PCDHA2: variants seen among roughly 807,000 people sequenced by gnomAD.
The protein encoded by PCDHA2 is protocadherin alpha-2.
PCDHA2 carries 58 observed loss-of-function variants against 66.0 expected under a neutral mutation model. The observed-to-expected ratio is 0.88, with a 90% CI of 0.71 to 1.09. The LOEUF (loss-of-function observed/expected upper bound fraction) is 1.09. Ranked by LOEUF, PCDHA2 falls within the 50% of genes least tolerant of loss-of-function variation. The pLI is 0.00. For missense variants in PCDHA2, 1,267 were observed against 1,242.3 expected (o/e 1.02, Z -0.30); for synonymous variants, 634 against 554.0 (o/e 1.14, Z -2.03).
At chr5:140,839,439 C>T (rs1038032080) in intron 1 of PCDHA2, among the ~76,000 whole-genome samples, 10 of 151,884 alleles carry the variant, frequency 6.6e-5, no homozygotes, top group Admixed American at 5.2e-4. Flanking sequence ...GCCCAGACTG[C>T]AGTGCAGTGG....
intron 1 of PCDHA2, chr5:140,857,682 G>T (rs1554150517): frequency 2.5e-6 from 4 of 1,596,980 alleles, no homozygotes; most frequent in Middle Eastern, 1.8e-4. Context: ...CCGCCTCTGG[G>T]CAGCAACTTG....
chr5:140,823,925 A>C (rs2150130360), intron 1 of PCDHA2: 1 of 1,613,820 alleles, frequency 6.2e-7, no homozygotes, highest in East Asian at 2.2e-5. Context: ...CTGCTGCTGT[A>C]CACCGCGCTG....
chr5:140,802,741 G>C, intron 1 of PCDHA2: 1 of 1,612,594 alleles, frequency 6.2e-7, no homozygotes, highest in Non-Finnish European at 8.5e-7. Flanking sequence ...GCGGAGAGCG[G>C]CAAGGTGTAC....
chr5:140,869,903 C>G, intron 1 of PCDHA2: 1 of 1,610,648 alleles, frequency 6.2e-7, no homozygotes. Flanking sequence ...CTAAACGCCA[C>G]AGACCGAGAC....
intron 1 of PCDHA2, chr5:140,810,571 A>G (rs1355589368): frequency 1.3e-5 from 2 of 152,218 alleles, no homozygotes; most frequent in Non-Finnish European, 2.9e-5. Context: ...ATTTAAATGA[A>G]GTTGAGTACC....
chr5:140,806,829 C>A, intron 1 of PCDHA2: 1 of 241,094 alleles, frequency 4.1e-6, no homozygotes. Context: ...TATGGCGAAA[C>A]TAAGGACCAC....
In PCDHA2 at chr5:140,928,306, C is replaced by T. The variant is rs782598364; in HGVS notation, c.2389-50643C>T. 7.6e-5 allele frequency: 122 copies of T among 1,613,984 alleles called. No individual in the cohort carries two copies. The highest frequency in any genetic ancestry group is 1.8e-4 in the Admixed American group (11 of 60,002). ...TCTAGGCCGAGTGTTTGCCCAGGAC[C>T]CCGACCTGGGGAAGAATGGCCTTGT... is the stretch of plus-strand genomic sequence containing the variant. On this transcript the variant is annotated intron_variant, in intron 1 of 3. Coordinates refer to ENST00000526136, the MANE Select transcript of PCDHA2 (RefSeq NM_018905.3).
At chr5:140,856,865 A>G in intron 1 of PCDHA2, 2 of 1,595,810 alleles carry the variant, frequency 1.3e-6, no homozygotes, top group African/African-American at 1.3e-5. Context: ...TGAAGGAATA[A>G]ACAAGGAAAT....
chr5:140,963,600 G>T (rs111244023), intron 1 of PCDHA2, among the ~76,000 whole-genome samples: 1 of 152,180 alleles, frequency 6.6e-6, no homozygotes, highest in Non-Finnish European at 1.5e-5. Context: ...AGTTCTAGAC[G>T]TAATTGGGAA....
intron 1 of PCDHA2, chr5:140,842,263 C>CTTA (rs1777840904): frequency 6.2e-7 from 1 of 1,610,966 alleles, no homozygotes; most frequent in Non-Finnish European, 8.5e-7. Context: ...AACAAGAAAA[C>CTTA]TTATACAAAA....
At chr5:140,993,830 A>G (rs536970854) in intron 3 of PCDHA2, among the ~76,000 whole-genome samples, 44 of 152,326 alleles carry the variant, frequency 2.9e-4, no homozygotes, top group Non-Finnish European at 5.0e-4. Context: ...GCTATACCAT[A>G]TAGCCTAGGT....
chr5:140,927,634 A>G, intron 1 of PCDHA2: 1 of 1,614,184 alleles, frequency 6.2e-7, no homozygotes, highest in Non-Finnish European at 8.5e-7. Context: ...GACTGCACCC[A>G]ATGGGACTGT....
chr5:140,862,896 G>A (rs782777981), intron 1 of PCDHA2: 1 of 554,390 alleles, frequency 1.8e-6, no homozygotes, highest in East Asian at 4.8e-5. Flanking sequence ...CGACAACTTT[G>A]TCTGCGCTGC....
chr5:140,833,092 G>A (rs1772292108), intron 1 of PCDHA2, among the ~76,000 whole-genome samples: 1 of 152,166 alleles, frequency 6.6e-6, no homozygotes, highest in African/African-American at 2.4e-5. Flanking sequence ...AGTACTAGAC[G>A]AGTAATTTTG....
At chr5:140,869,926 G>T in intron 1 of PCDHA2, 1 of 1,611,516 alleles carries the variant, frequency 6.2e-7, no homozygotes, top group Non-Finnish European at 8.5e-7. Flanking sequence ...AGGAGTCAAT[G>T]GAGAGGTAAC....
chr5:140,807,838 A>G, intron 1 of PCDHA2: 2 of 1,614,184 alleles, frequency 1.2e-6, no homozygotes, highest in East Asian at 4.5e-5. Flanking sequence ...CCACTGATGG[A>G]GGCAAACCCG....
In PCDHA2 at chr5:140,858,397, C is replaced by T. The variant is rs781916951; in HGVS notation, c.2388+61045C>T. On this transcript the variant is annotated intron_variant, in intron 1 of 3. Coordinates refer to ENST00000526136, the MANE Select transcript of PCDHA2 (RefSeq NM_018905.3). ...CACCATGCCCAATGGTAGATGTGGA[C>T]GGGGAAGATCAGTCTATTGGAGGGG... is the stretch of plus-strand genomic sequence containing the variant. 2.5e-6 allele frequency: 4 copies of T among 1,573,184 alleles called. No individual in the cohort carries two copies. In the South Asian group the frequency reaches 4.5e-5, roughly 18 times the overall value.
chr5:140,869,096 C>G (rs2050848393), intron 1 of PCDHA2: 2 of 1,594,364 alleles, frequency 1.3e-6, no homozygotes, highest in African/African-American at 2.7e-5. Context: ...AAGCCAATTT[C>G]GTATGCGATG....
In PCDHA2 at chr5:140,796,906, C is replaced by T. The variant is rs549000416; in HGVS notation, c.1942C>T (p.Leu648Phe). Residue 648 changes from leucine (L) to phenylalanine (F), a missense_variant, in exon 1 of 4, where the codon CTC becomes TTC. Leu to Phe is a conservative substitution (Grantham distance 22). Transcript: ENST00000526136. ...GGCTGACTCCCCTCGACACCGCCTA[C>T]TCGTGCTGGTGAAGGACCACGGCGA... Reference protein sequence around the residue: ...DEADSPRHRLLVLVKDHGEPA... With the variant: ...DEADSPRHRLFVLVKDHGEPA... 13 of 1,613,940 alleles carry T rather than the reference C, an allele frequency of 8.1e-6. No homozygotes were observed. In the African/African-American group the frequency reaches 1.5e-4, roughly 18 times the overall value.
Sources: allele counts gnomAD v4.1 joint callset (sites outside exome capture counted in the v4.1 genomes callset), GRCh38; gene constraint gnomAD v4.1.1; transcripts MANE v1.5; gene names NCBI Gene and HGNC (gene_info 2026-07-23, HGNC 2026-07-21).